The following PHLPP2 variants were observed in gnomAD, a reference collection of about 807,000 sequenced individuals.
The protein encoded by PHLPP2 is PH domain and leucine rich repeat protein phosphatase 2.
Under a neutral mutation model 124.9 loss-of-function variants are expected in PHLPP2, and 66 were observed. The ratio of observed to expected loss-of-function variants is 0.53; its 90% CI spans 0.43 to 0.65. The LOEUF is 0.65. Among genes scored for constraint, PHLPP2 ranks in the 30% least tolerant of loss-of-function variants. The pLI, the probability that PHLPP2 is intolerant of heterozygous loss-of-function variation, is 0.00. For missense variants in PHLPP2, 1,685 were observed against 1,600.4 expected, an observed-to-expected ratio of 1.05 and a Z score of -0.90; for synonymous variants, 681 against 624.7, an observed-to-expected ratio of 1.09 and a Z score of -1.34.
intron 5 of PHLPP2, 130 bp downstream of exon 5, chr16:71,684,345 CG>C (rs2045032326): frequency 1.2e-6 from 1 of 830,636 alleles, no homozygotes; most frequent in South Asian, 1.6e-5. Flanking sequence ...AGACTGGTCT[CG>C]AACTCCCAAC....
chr16:71,663,782 G>T (rs112608192), intron 13 of PHLPP2, 117 bp downstream of exon 13: 35 of 767,498 alleles, frequency 4.6e-5, no homozygotes, highest in Non-Finnish European at 7.5e-5. Context: ...TGAAATCATA[G>T]CATCTGTAAG....
Position 71,649,050 on chromosome 16 carries a change from G to A in PHLPP2, c.3812C>T (p.Ala1271Val). The A allele has an allele frequency of 6.2e-7, 1 of 1,614,154 alleles. No individual in the cohort carries two copies. Among genetic ancestry groups the A allele is most frequent in the South Asian group, 1.1e-5 (1 of 91,080 alleles). Residue 1271 changes from alanine to valine, a missense_variant, in exon 19 of 19, where the codon GCC (alanine) becomes GTC (valine). Physicochemically the swap from Ala to Val is moderately conservative, Grantham distance 64. Transcript: ENST00000568954. ...GTCCTCTGGTTCCATCTGAGTGGGG[G>A]CAGCAAAATAGCCAGTTTTCCTCTT... ...VPKRKTGYFA[A>V]PTQMEPEDQF...
intron 16 of PHLPP2, 51 bp from the exon 17 acceptor site, chr16:71,655,485 T>A: frequency 7.2e-7 from 1 of 1,384,664 alleles, no homozygotes; most frequent in Non-Finnish European, 1.0e-6. Context: ...GGTAAAATAT[T>A]ATTCTCCAGG....
intron 8 of PHLPP2, chr16:71,677,015 A>ACTG: frequency 3.9e-6 from 1 of 254,922 alleles, no homozygotes; most frequent in Non-Finnish European, 7.6e-6. Context: ...AAGTGCTGGG[A>ACTG]TTACAGGCAT....
chr16:71,652,291 T>A (rs1415697918), intron 18 of PHLPP2, among the ~76,000 whole-genome samples: 3 of 152,224 alleles, frequency 2.0e-5, no homozygotes, highest in African/African-American at 7.2e-5. Flanking sequence ...AAAGTTCTTC[T>A]GAAAGCAAAA....
At position 71,723,697 on chromosome 16, in the gene PHLPP2, T is replaced by A; in HGVS notation, c.-7+632A>T. The A allele has an allele frequency of 5.8e-6, 4 of 690,566 alleles. 1 individual carries two copies. The East Asian group carries it at 1.7e-4, about 29-fold the overall frequency. 42.8% of individuals were successfully genotyped at this position (690,566 alleles called of 1,614,324 possible). ...GCGGGGGCGGCAGCGGCCTCTAGCCTCCCTCGTTCCCTCCCTAGTCCGCTT... is the reference window on the plus strand; with the variant it reads ...GCGGGGGCGGCAGCGGCCTCTAGCCACCCTCGTTCCCTCCCTAGTCCGCTT... On this transcript the variant is annotated intron_variant, in intron 1 of 18. Coordinates refer to ENST00000568954, the MANE Select transcript of PHLPP2 (RefSeq NM_015020.3).
intron 1 of PHLPP2, among the ~76,000 whole-genome samples, chr16:71,722,421 T>C (rs760467857): frequency 2.0e-5 from 3 of 152,162 alleles, no homozygotes; most frequent in Non-Finnish European, 4.4e-5. Flanking sequence ...AGTGAGACCC[T>C]GTCTCAAAAA....
chr16:71,652,979 G>C lies in PHLPP2; in HGVS notation c.2628C>G (p.Leu876=), dbSNP rs756373448. Reference sequence around the variant, plus strand: ...CAGTGTCAGGGCGGATGTAGCACAGGAGAGCGGAGGAGCCCAACTTCTGGC... The same window carrying C: ...CAGTGTCAGGGCGGATGTAGCACAGCAGAGCGGAGGAGCCCAACTTCTGGC... ...MAGQKLGSSA[L]LCYIRPDTAD... Residue 876 remains leucine, a synonymous_variant, in exon 18 of 19, where the codon CTC becomes CTG. Transcript: ENST00000568954. 4 of 1,613,746 alleles carry C rather than the reference G, an allele frequency of 2.5e-6. No homozygotes were observed. The South Asian group carries it at 4.4e-5, about 18-fold the overall frequency.
chr16:71,720,645 A>C (rs1453981917), intron 1 of PHLPP2, among the ~76,000 whole-genome samples: 2 of 149,650 alleles, frequency 1.3e-5, no homozygotes, highest in African/African-American at 4.9e-5. Flanking sequence ...CAGGCGGATC[A>C]CCTGAGGCCA....
Position 71,694,746 on chromosome 16 carries a change from G to C in PHLPP2, c.419-4037C>G, listed in dbSNP as rs187443352. ...TAATTCTCAATCACACTAGTAATCA[G>C]GGGAAAAAAATTTAAACAAAGAGAC... is the stretch of plus-strand genomic sequence containing the variant. On this transcript the variant is annotated intron_variant, in intron 3 of 18. Transcript: ENST00000568954. Among the ~76,000 whole-genome samples, 596 of 151,842 alleles carry C rather than the reference G, an allele frequency of 3.9e-3. 2 individuals carry two copies. Among genetic ancestry groups the C allele is most frequent in the African/African-American group, 0.013 (542 of 41,434 alleles).
intron 4 of PHLPP2, among the ~76,000 whole-genome samples, chr16:71,685,665 T>C (rs2145346942): frequency 6.6e-6 from 1 of 152,310 alleles, no homozygotes; most frequent in African/African-American, 2.4e-5. Context: ...TGTGTCAAAA[T>C]AAAGAATATT....
intron 3 of PHLPP2, among the ~76,000 whole-genome samples, chr16:71,697,378 C>T (rs2045183391): frequency 6.6e-6 from 1 of 151,912 alleles, no homozygotes; most frequent in Non-Finnish European, 1.5e-5. Context: ...AAGTCCACTC[C>T]ATACAATGGA....
intron 8 of PHLPP2, chr16:71,677,229 A>C (rs1352200039): frequency 6.4e-6 from 1 of 156,298 alleles, no homozygotes; most frequent in East Asian, 1.9e-4. Context: ...ACAGTTAAAC[A>C]CTTATATCCA....
intron 4 of PHLPP2, among the ~76,000 whole-genome samples, chr16:71,688,171 A>ATTTTAAAATGGGATAGAC (rs1364783578): frequency 6.6e-6 from 1 of 152,152 alleles, no homozygotes; most frequent in African/African-American, 2.4e-5. Context: ...AGTCTATCCC[A>ATTTTAAAATGGGATAGAC]TTTTAAAGAG....
intron 3 of PHLPP2, chr16:71,698,421 C>A (rs139935650): frequency 2.4e-4 from 173 of 713,472 alleles, no homozygotes; most frequent in East Asian, 2.4e-3. Context: ...CCTTGTTATG[C>A]AGCTTGGTGC....
intron 6 of PHLPP2, among the ~76,000 whole-genome samples, chr16:71,680,612 G>A (rs756597197): frequency 1.3e-5 from 2 of 152,110 alleles, no homozygotes; most frequent in Non-Finnish European, 2.9e-5. Context: ...AGGATACTTC[G>A]TTATTATACA....
chr16:71,657,992 T>C (rs1000830450), intron 15 of PHLPP2, among the ~76,000 whole-genome samples: 2 of 152,218 alleles, frequency 1.3e-5, no homozygotes, highest in African/African-American at 4.8e-5. Flanking sequence ...CATCTATGCC[T>C]GTTGTGAAAA....
chr16:71,664,792 T>A (rs1053777186), intron 12 of PHLPP2, among the ~76,000 whole-genome samples: 3 of 152,058 alleles, frequency 2.0e-5, no homozygotes, highest in Non-Finnish European at 4.4e-5. Context: ...TTTAATAGCA[T>A]CATTATGTAT....
chr16:71,723,630 AC>A (rs1476631918), intron 1 of PHLPP2: 7 of 356,166 alleles, frequency 2.0e-5, no homozygotes, highest in Non-Finnish European at 3.3e-5. Flanking sequence ...CGACTGACTG[AC>A]GCCGGGCGGG....
Sources: gnomAD v4.1 joint callset for allele counts (sites outside exome capture counted in the v4.1 genomes callset) on GRCh38, gnomAD v4.1.1 for gene constraint, MANE v1.5 for transcripts, NCBI Gene and HGNC (gene_info 2026-07-23, HGNC 2026-07-21) for gene names.